Variants in ERCC6L2 observed in about 807,000 individuals in gnomAD.
ERCC6L2 encodes ERCC excision repair 6 like 2.
ERCC6L2 carries 77 observed loss-of-function variants against 132.0 expected under a neutral mutation model. The observed-to-expected ratio is 0.58, with a 90% CI of 0.49 to 0.71. The LOEUF is 0.71. Ranked by LOEUF, ERCC6L2 falls within the 30% of genes least tolerant of loss-of-function variation. The probability of loss-of-function intolerance (pLI) is 0.00; values close to 1 mark genes in which losing one functional copy is unlikely to be tolerated. For missense variants in ERCC6L2, 1,542 were observed against 1,837.6 expected, an observed-to-expected ratio of 0.84 and a Z score of 2.94; for synonymous variants, 583 against 632.4, an observed-to-expected ratio of 0.92 and a Z score of 1.17.
At chr9:95,938,434 G>A (rs557201777) in intron 11 of ERCC6L2, among the ~76,000 whole-genome samples, 4 of 151,940 alleles carry the variant, frequency 2.6e-5, no homozygotes, top group Non-Finnish European at 5.9e-5. Context: ...GCTGAATGTG[G>A]GATATTGAAA....
chr9:95,900,554 T>C (rs896413372), intron 3 of ERCC6L2, among the ~76,000 whole-genome samples: 3 of 152,206 alleles, frequency 2.0e-5, no homozygotes, highest in Admixed American at 2.0e-4. Flanking sequence ...TGAATAGCTA[T>C]TGTTGGGGCT....
At chr9:95,932,914 C>A (rs950208322) in intron 11 of ERCC6L2, among the ~76,000 whole-genome samples, 3 of 152,226 alleles carry the variant, frequency 2.0e-5, no homozygotes, top group African/African-American at 7.2e-5. Flanking sequence ...TTGCTGTTAA[C>A]CATGTAAGAA....
chr9:96,012,274 G>A lies in ERCC6L2; in HGVS notation c.3724G>A (p.Glu1242Lys), dbSNP rs772603943. The A allele has an allele frequency of 1.7e-5, 22 of 1,306,222 alleles. No individual in the cohort carries two copies. The highest frequency in any genetic ancestry group is 6.1e-5 in the African/African-American group (4 of 65,756). 80.9% of individuals were successfully genotyped at this position (1,306,222 alleles called of 1,614,324 possible). A position where few individuals can be genotyped will look rare whatever the true frequency, so the allele number is the denominator to read the frequency against. Residue 1242 changes from glutamate (E) to lysine (K), a missense_variant, in exon 19 of 19, where the codon GAA becomes AAA. Transcript: ENST00000653738. ...ASYFNSSSVN[E>K]FAKHITNATS... ...TTATTTTAACTCGTCTTCTGTAAACGAATTTGCTAAACATATAACCAATGC... is the reference window on the plus strand; with the variant it reads ...TTATTTTAACTCGTCTTCTGTAAACAAATTTGCTAAACATATAACCAATGC...
intron 11 of ERCC6L2, 115 bp downstream of exon 11, chr9:95,928,979 C>T: frequency 1.4e-6 from 1 of 715,768 alleles, no homozygotes; most frequent in Non-Finnish European, 2.1e-6. Flanking sequence ...TTAGAAGCAG[C>T]AAAAATACTA....
At chr9:96,026,704 C>CCA (rs549175121) in intron 19 of ERCC6L2, among the ~76,000 whole-genome samples, 1 of 144,846 alleles carries the variant, frequency 6.9e-6, no homozygotes, top group African/African-American at 2.6e-5. Context: ...CACACAAACG[C>CCA]CACACACACC....
chr9:95,913,794 A>G (rs917816451), intron 4 of ERCC6L2, among the ~76,000 whole-genome samples: 3 of 152,314 alleles, frequency 2.0e-5, no homozygotes, highest in East Asian at 1.9e-4. Context: ...TTCACTTAAC[A>G]TAATGTTTTT....
At chr9:95,899,423 GCC>G (rs1381028545) in intron 3 of ERCC6L2, among the ~76,000 whole-genome samples, 2 of 152,144 alleles carry the variant, frequency 1.3e-5, no homozygotes, top group East Asian at 3.9e-4. Flanking sequence ...CTGCACTCCA[GCC>G]AGGGCAATAA....
In ERCC6L2 at chr9:95,946,250, C is replaced by T. The variant is rs533012548; in HGVS notation, c.1847+4701C>T. Reference sequence around the variant, plus strand: ...CTCTCTTAAAAAATAATAAATTGGCCGGGTGCAGTGGCTCACACCTGTAAT... The same window carrying T: ...CTCTCTTAAAAAATAATAAATTGGCTGGGTGCAGTGGCTCACACCTGTAAT... On this transcript the variant is annotated intron_variant, in intron 12 of 18. Transcript: ENST00000653738. Among the ~76,000 whole-genome samples the T allele has an allele frequency of 1.3e-4, 20 of 152,170 alleles. No individual in the cohort carries two copies. The South Asian group carries it at 2.9e-3, about 22-fold the overall frequency.
intron 4 of ERCC6L2, among the ~76,000 whole-genome samples, chr9:95,911,577 TTTTG>T (rs1386617322): frequency 2.0e-5 from 3 of 152,148 alleles, no homozygotes; most frequent in African/African-American, 7.2e-5. Context: ...AATGCCTTTA[TTTTG>T]TTTGTGTTTG....
chr9:95,897,754 A>G, intron 2 of ERCC6L2, 95 bp from the exon 3 acceptor site: 1 of 1,249,288 alleles, frequency 8.0e-7, no homozygotes, highest in Non-Finnish European at 1.1e-6. Context: ...CTCTTTGTAC[A>G]TACTTTGTCA....
At chr9:96,002,581 C>T (rs904789384) in intron 17 of ERCC6L2, among the ~76,000 whole-genome samples, 4 of 152,126 alleles carry the variant, frequency 2.6e-5, no homozygotes, top group African/African-American at 9.7e-5. Flanking sequence ...GCCACCGCAC[C>T]AAGCTAGTTT....
At chr9:95,922,270 G>A (rs1469766219) in intron 7 of ERCC6L2, 35 bp from the exon 8 acceptor site, 1 of 1,117,348 alleles carries the variant, frequency 8.9e-7, no homozygotes, top group Admixed American at 1.8e-5. Context: ...TAGCTATGCT[G>A]GTCCTTTTTA....
chr9:95,952,722 G>C (rs1306126909), intron 12 of ERCC6L2, among the ~76,000 whole-genome samples: 1 of 152,054 alleles, frequency 6.6e-6, no homozygotes, highest in Non-Finnish European at 1.5e-5. Flanking sequence ...TGTAGTTCCA[G>C]CTGCTTGCTT....
rs1301687209 is a variant in ERCC6L2 at position 95,907,254 on chromosome 9, C to G, written c.771C>G (p.Cys257Trp). The G allele has an allele frequency of 6.2e-7, 1 of 1,609,718 alleles. No individual in the cohort carries two copies. Residue 257 changes from cysteine to tryptophan, a missense_variant, in exon 4 of 19, where the codon TGC (cysteine) becomes TGG (tryptophan). Cys to Trp is a radical substitution (Grantham distance 215, BLOSUM62 -2). Around this residue, in one of 4 missense-constraint regions of ERCC6L2, gnomAD observed 945 missense variants for 1,105.2 expected, o/e 0.86. Coordinates refer to ENST00000653738, the MANE Select transcript of ERCC6L2 (RefSeq NM_020207.7). ...ALTTYETLRL[C>W]LDELNSLEWS... is the part of the protein sequence containing the mutation. ...CAACTTATGAAACACTACGCTTATG[C>G]CTGGATGAACTTAACAGGTAATGGG...
intron 4 of ERCC6L2, among the ~76,000 whole-genome samples, chr9:95,912,667 A>G (rs1829396798): frequency 6.6e-6 from 1 of 152,232 alleles, no homozygotes; most frequent in South Asian, 2.1e-4. Context: ...TCTTATGTTT[A>G]TAAAGCAGGA....
chr9:96,022,017 G>A (rs867301871), downstream of ERCC6L2, among the ~76,000 whole-genome samples: 2 of 152,134 alleles, frequency 1.3e-5, no homozygotes, highest in African/African-American at 2.4e-5. Flanking sequence ...GGTCGGCCCT[G>A]CAGCTGCCTT....
rs16910345 is a variant in ERCC6L2 at position 95,881,670 on chromosome 9, G to A, written c.471+377G>A. Among the ~76,000 whole-genome samples the A allele has an allele frequency of 4.4e-3, 672 of 152,146 alleles. 16 individuals carry two copies. Among genetic ancestry groups the A allele is most frequent in the Admixed American group, 0.032 (492 of 15,272 alleles). ...TAGCATGGTTAAATTGTTCCTATAG[G>A]CCTTTTGTGCATATTGTTCGAAGTT... is the stretch of plus-strand genomic sequence containing the variant. On this transcript the variant is annotated intron_variant, in intron 2 of 18. Coordinates refer to ENST00000653738, the MANE Select transcript of ERCC6L2 (RefSeq NM_020207.7).
At chr9:95,957,704 A>G (rs1831677359) in intron 13 of ERCC6L2, among the ~76,000 whole-genome samples, 1 of 152,064 alleles carries the variant, frequency 6.6e-6, no homozygotes, top group South Asian at 2.1e-4. Context: ...AAGATGAGGT[A>G]ATTTAAGAAC....
intron 3 of ERCC6L2, chr9:95,906,789 C>T: frequency 2.1e-6 from 1 of 484,086 alleles, no homozygotes; most frequent in Non-Finnish European, 3.9e-6. Context: ...TGGAAAGTTA[C>T]TTCTCTCTCA....
Sources: allele counts gnomAD v4.1 joint callset (sites outside exome capture counted in the v4.1 genomes callset), GRCh38; gene constraint gnomAD v4.1.1; regional missense constraint gnomAD v4.1.1; transcripts MANE v1.5; gene names NCBI Gene and HGNC (gene_info 2026-07-23, HGNC 2026-07-21).